Variants in DPP6 observed in about 807,000 individuals in gnomAD.
DPP6 encodes the protein A-type potassium channel modulatory protein DPP6.
A neutral mutation model predicts 122.6 loss-of-function variants in DPP6; 69 were observed. The ratio of observed to expected loss-of-function variants is 0.56; its 90% CI spans 0.46 to 0.69. The LOEUF (loss-of-function observed/expected upper bound fraction) is 0.69. Ranked by LOEUF, DPP6 falls within the 30% of genes least tolerant of loss-of-function variation. The pLI is 0.00. For synonymous variants in DPP6, 418 were observed against 433.1 expected (o/e 0.97, Z 0.43); for missense variants, 928 against 1,116.9 (o/e 0.83, Z 2.41).
chr7:154,320,475 GT>G (rs897766011), intron 1 of DPP6, among the ~76,000 whole-genome samples: 10 of 81,112 alleles, frequency 1.2e-4, no homozygotes, highest in Admixed American at 6.7e-4. Context: ...ATTGTACTTT[GT>G]TTTTTTTTTT....
intron 1 of DPP6, among the ~76,000 whole-genome samples, chr7:153,999,065 G>C (rs1210525483): frequency 6.6e-6 from 1 of 152,318 alleles, no homozygotes; most frequent in East Asian, 1.9e-4. Context: ...TCATGCCCCT[G>C]TTCAGCTATG....
At chr7:154,354,512 G>C (rs1811118580) in intron 1 of DPP6, among the ~76,000 whole-genome samples, 1 of 152,008 alleles carries the variant, frequency 6.6e-6, no homozygotes. Flanking sequence ...CCTGCAAATG[G>C]CTTCCCTATT....
At position 154,260,270 on chromosome 7, in the gene DPP6, T is replaced by C. The variant is rs79043943; in HGVS notation, c.244-185944T>C. On this transcript the variant is annotated intron_variant, in intron 1 of 25. Coordinates refer to ENST00000377770, the MANE Select transcript of DPP6 (RefSeq NM_130797.4). ...CCAGGTCATGTTGAGCAGGAGTGTG[T>C]TGTGATCGGATTCACTTTTTAAAAA... is the stretch of plus-strand genomic sequence containing the variant. 3.8e-3 allele frequency among the ~76,000 whole-genome samples: 581 copies of C among 152,328 alleles called. 6 individuals carry two copies. Among genetic ancestry groups the C allele is most frequent in the Middle Eastern group, 0.014 (4 of 292 alleles).
intron 5 of DPP6, among the ~76,000 whole-genome samples, chr7:154,610,255 T>C (rs1448398422): frequency 6.6e-6 from 1 of 152,218 alleles, no homozygotes; most frequent in Non-Finnish European, 1.5e-5. Context: ...ATCAGCTGCC[T>C]ATTTGTGGGC....
chr7:154,601,263 T>C lies in DPP6; in HGVS notation c.627+34347T>C, dbSNP rs749383425. ...TAGTTGATATTTTGTTCCAGTCTTC[T>C]ATTTAATTACTTTTGCTGTGAATTA... On this transcript the variant is annotated intron_variant, in intron 5 of 25. Coordinates refer to ENST00000377770, the MANE Select transcript of DPP6 (RefSeq NM_130797.4). Among the ~76,000 whole-genome samples the C allele has an allele frequency of 2.2e-4, 27 of 121,596 alleles. 8 individuals are homozygous for C. Among genetic ancestry groups the C allele is most frequent in the Non-Finnish European group, 4.3e-4 (23 of 53,814 alleles). The allele number at this position is 121,596 out of a possible 152,430, so 79.8% of individuals were successfully genotyped here. A position where few individuals can be genotyped will look rare whatever the true frequency, so the allele number is the denominator to read the frequency against.
chr7:154,036,015 C>CAT (rs1554439916), intron 1 of DPP6, among the ~76,000 whole-genome samples: 4 of 101,408 alleles, frequency 3.9e-5, no homozygotes, highest in Non-Finnish European at 5.9e-5. Flanking sequence ...ATTACGCGCG[C>CAT]GCGCTTGTGT....
At chr7:153,762,195 G>A in the DPP6 span, among the ~76,000 whole-genome samples, 1 of 152,124 alleles carries the variant, frequency 6.6e-6, no homozygotes, top group Non-Finnish European at 1.5e-5. Flanking sequence ...CTGTTAATTT[G>A]TATTTGTAAC....
chr7:154,528,987 G>A (rs1563808499), intron 3 of DPP6, among the ~76,000 whole-genome samples: 1 of 152,200 alleles, frequency 6.6e-6, no homozygotes, highest in African/African-American at 2.4e-5. Flanking sequence ...GACCTTAAAT[G>A]TCAGGCTAAG....
chr7:154,033,191 C>T (rs1156456976), intron 1 of DPP6, among the ~76,000 whole-genome samples: 2 of 152,202 alleles, frequency 1.3e-5, no homozygotes, highest in Non-Finnish European at 2.9e-5. Flanking sequence ...ACCAGGGCTC[C>T]AGGGCCTGAG....
chr7:153,978,537 G>C (rs1796424109), intron 1 of DPP6, among the ~76,000 whole-genome samples: 2 of 151,946 alleles, frequency 1.3e-5, no homozygotes, highest in Non-Finnish European at 2.9e-5. Context: ...TTTTGTTTTT[G>C]CTGTGCAGAA....
chr7:154,773,067 T>G, intron 10 of DPP6, 125 bp downstream of exon 10: 13 of 1,194,050 alleles, frequency 1.1e-5, no homozygotes, highest in Non-Finnish European at 1.3e-5. Context: ...AAAGGTACCT[T>G]TCCTAAAGAT....
chr7:154,674,443 A>C (rs563031438), intron 7 of DPP6, among the ~76,000 whole-genome samples: 5 of 152,262 alleles, frequency 3.3e-5, no homozygotes, highest in African/African-American at 1.2e-4. Context: ...GTTGATCTGC[A>C]AGGGGAGGGA....
the DPP6 span, among the ~76,000 whole-genome samples, chr7:153,810,003 G>T: frequency 1.3e-5 from 2 of 152,154 alleles, no homozygotes; most frequent in African/African-American, 4.8e-5. Context: ...CCATTAGAAG[G>T]AATCCAGGCA....
chr7:154,425,597 G>GAA (rs3056538), intron 1 of DPP6, among the ~76,000 whole-genome samples: 62,978 of 103,598 alleles, frequency 0.61, 16,562 homozygotes, highest in African/African-American at 0.7. Context: ...TTAGTTTGGG[G>GAA]AAAAAAATGT....
rs202156140 is a variant in DPP6 at position 154,803,878 on chromosome 7, C to T, written c.1422C>T (p.Asn474=). 3.8e-5 allele frequency: 62 copies of T among 1,613,548 alleles called. No homozygotes were observed. The highest frequency in any genetic ancestry group is 2.1e-4 in the African/African-American group (16 of 74,916). Residue 474 remains asparagine, a synonymous_variant, in exon 14 of 26, where the codon AAC becomes AAT. Coordinates refer to ENST00000377770, the MANE Select transcript of DPP6 (RefSeq NM_130797.4). ...TVSSSQPNSS[N]DNIQSITSGD... is the part of the protein sequence containing the mutation. Reference sequence around the variant, plus strand: ...GTGTGTTTCAGCCCAACAGCAGCAACGACAACATCCAGTCCATCACCTCCG... The same window carrying T: ...GTGTGTTTCAGCCCAACAGCAGCAATGACAACATCCAGTCCATCACCTCCG...
At chr7:153,926,658 C>T (rs1345273743) in intron 1 of DPP6, among the ~76,000 whole-genome samples, 1 of 151,654 alleles carries the variant, frequency 6.6e-6, no homozygotes, top group Admixed American at 6.6e-5. Context: ...ATGCAAAGAA[C>T]CCAAGAATGT....
chr7:153,945,838 C>T (rs573885892), intron 1 of DPP6, among the ~76,000 whole-genome samples: 1 of 152,306 alleles, frequency 6.6e-6, no homozygotes, highest in East Asian at 1.9e-4. Context: ...GTCTAACCTG[C>T]ATGCCGTGTT....
chr7:154,556,653 C>T (rs984355954), intron 4 of DPP6, among the ~76,000 whole-genome samples: 1 of 151,914 alleles, frequency 6.6e-6, no homozygotes, highest in African/African-American at 2.4e-5. Context: ...TAAAAGATAG[C>T]CATATTTAAT....
At chr7:154,233,344 C>T (rs1297739980) in intron 1 of DPP6, among the ~76,000 whole-genome samples, 1 of 152,222 alleles carries the variant, frequency 6.6e-6, no homozygotes, top group East Asian at 1.9e-4. Flanking sequence ...TTACAGAACA[C>T]AGCATCAGTG....
Sources: gnomAD v4.1 joint callset for allele counts (sites outside exome capture counted in the v4.1 genomes callset) on GRCh38, gnomAD v4.1.1 for gene constraint, MANE v1.5 for transcripts, NCBI Gene and HGNC (gene_info 2026-07-23, HGNC 2026-07-21) for gene names.